CFAP92: variants seen among roughly 807,000 people sequenced by gnomAD.
The protein encoded by CFAP92 is uncharacterized protein CFAP92.
In CFAP92, 86 loss-of-function variants were observed where a neutral mutation model predicts 106.3. The observed-to-expected ratio is 0.81, with a 90% confidence interval of 0.68 to 0.97. The LOEUF (loss-of-function observed/expected upper bound fraction) is 0.97. Among genes scored for constraint, CFAP92 ranks in the 50% least tolerant of loss-of-function variants. The pLI, the probability that CFAP92 is intolerant of heterozygous loss-of-function variation, is 0.00. For synonymous variants in CFAP92, 477 were observed against 506.4 expected (o/e 0.94, Z 0.78); for missense variants, 1,204 against 1,283.8 (o/e 0.94, Z 0.95).
At chr3:129,025,191 C>T in the CFAP92 span, among the ~76,000 whole-genome samples, 20 of 152,136 alleles carry the variant, frequency 1.3e-4, no homozygotes, top group South Asian at 2.1e-4. Context: ...GTCATGGGCA[C>T]GCAAAGCCAT....
chr3:128,993,150 C>T lies in CFAP92; in HGVS notation c.155G>A (p.Cys52Tyr). The T allele has an allele frequency of 1.9e-6, 3 of 1,614,078 alleles. No homozygotes were observed. Among genetic ancestry groups the T allele is most frequent in the Non-Finnish European group, 2.5e-6 (3 of 1,179,906 alleles). Residue 52 changes from cysteine (C) to tyrosine (Y), a missense_variant, in exon 2 of 16, where the codon TGC becomes TAC. Physicochemically the swap from Cys to Tyr is radical, Grantham distance 194 (BLOSUM62 -2). Coordinates refer to ENST00000645291, the MANE Select transcript of CFAP92 (RefSeq NM_001394090.1). The stretch of plus-strand genomic sequence containing the variant: ...CTCAGATGAGGACTCGATGCTGCTG[C>T]ACGGGCGGTCAGAGTCAGACTCCTG... ...RAQESDSDRPCSSIESSSEPA... is the reference protein window; with the variant it reads ...RAQESDSDRPYSSIESSSEPA...
chr3:128,943,920 G>GTTTTTTTT (rs768570835), intron 10 of CFAP92, among the ~76,000 whole-genome samples: 32 of 110,148 alleles, frequency 2.9e-4, no homozygotes, highest in Non-Finnish European at 3.6e-4. Flanking sequence ...TATTTCCCCC[G>GTTTTTTTT]TTTTTTTTTT....
At chr3:128,916,825 A>C (rs1936852191) in intron 12 of CFAP92, among the ~76,000 whole-genome samples, 1 of 152,198 alleles carries the variant, frequency 6.6e-6, no homozygotes, top group African/African-American at 2.4e-5. Context: ...GGCTGGGGGG[A>C]AAGGTGGCTG....
At chr3:128,972,040 A>G (rs145099873) in intron 7 of CFAP92, among the ~76,000 whole-genome samples, 1 of 152,372 alleles carries the variant, frequency 6.6e-6, no homozygotes, top group East Asian at 1.9e-4. Flanking sequence ...ACCCAAACAC[A>G]TAGGGGAACC....
chr3:128,986,662 C>T (rs993645893), intron 4 of CFAP92, among the ~76,000 whole-genome samples: 1 of 152,134 alleles, frequency 6.6e-6, no homozygotes, highest in Non-Finnish European at 1.5e-5. Flanking sequence ...CCAGGTAGAC[C>T]ACGCCGGTCA....
upstream of CFAP92, among the ~76,000 whole-genome samples, chr3:129,004,253 C>A (rs951267830): frequency 2.0e-4 from 31 of 152,186 alleles, no homozygotes; most frequent in African/African-American, 7.2e-4. Context: ...TATAAGTCTG[C>A]TCCATTGCTT....
intron 12 of CFAP92, among the ~76,000 whole-genome samples, chr3:128,921,751 C>T (rs570932522): frequency 5.3e-5 from 8 of 152,154 alleles, no homozygotes; most frequent in African/African-American, 1.4e-4. Flanking sequence ...CAACCTCTTT[C>T]GGGAAATGGG....
chr3:129,001,758 G>A (rs1202785164), intron 1 of CFAP92: 1 of 1,541,806 alleles, frequency 6.5e-7, no homozygotes. Context: ...GGACCGCGGC[G>A]TGGAGAACGA....
At chr3:128,995,233 G>A (rs951016628), upstream of CFAP92, among the ~76,000 whole-genome samples, 5 of 152,220 alleles carry the variant, frequency 3.3e-5, no homozygotes, top group African/African-American at 1.2e-4. Context: ...GCCTCCCAGT[G>A]CATGCCTCCC....
chr3:128,995,631 T>C (rs1260230735), upstream of CFAP92, among the ~76,000 whole-genome samples: 2 of 152,150 alleles, frequency 1.3e-5, no homozygotes, highest in Non-Finnish European at 2.9e-5. Flanking sequence ...CTGGTTTCCC[T>C]CCAAAGGTTC....
chr3:128,913,134 C>A, intron 15 of CFAP92: 1 of 437,188 alleles, frequency 2.3e-6, no homozygotes, highest in Non-Finnish European at 4.6e-6. Context: ...GTACTTGTCA[C>A]ACTGTTCCTT....
chr3:129,001,939 A>T, intron 1 of CFAP92: 1 of 1,540,906 alleles, frequency 6.5e-7, no homozygotes. Context: ...GGTGACGGGA[A>T]CTCCAGAGAT....
rs1274039128 is a variant in CFAP92, at chr3:128,988,809, C to T, written c.372G>A (p.Leu124=). ...RRFYHIEYFL[L]PDDEEPKKVD... is the part of the protein sequence containing the mutation. ...CTTTTTTAGGTTCTTCATCGTCCGG[C>T]AGAAGGAAATACTCAATGTGGTAAA... The change falls in exon 3 of 16, where the codon CTG becomes CTA. Residue 124 remains leucine, a synonymous_variant. Transcript: ENST00000645291. The T allele has an allele frequency of 6.2e-7, 1 of 1,613,674 alleles. No homozygotes were observed.
chr3:129,011,831 C>CT, the CFAP92 span, among the ~76,000 whole-genome samples: 1 of 152,144 alleles, frequency 6.6e-6, no homozygotes, highest in Non-Finnish European at 1.5e-5. Context: ...GAGCCTGAGG[C>CT]TTTGCACCCC....
chr3:128,977,810 G>A (rs926099580), intron 5 of CFAP92, among the ~76,000 whole-genome samples: 1 of 152,230 alleles, frequency 6.6e-6, no homozygotes, highest in Non-Finnish European at 1.5e-5. Flanking sequence ...AGTGAGCCAA[G>A]ATCGTGCCAT....
intron 15 of CFAP92, chr3:128,912,938 T>C: frequency 3.8e-6 from 2 of 521,492 alleles, no homozygotes; most frequent in Non-Finnish European, 7.5e-6. Context: ...GGGTGTGAGG[T>C]GGGTGGGGAC....
chr3:128,942,692 T>TG (rs397991058), intron 10 of CFAP92, among the ~76,000 whole-genome samples: 1 of 151,314 alleles, frequency 6.6e-6, no homozygotes, highest in African/African-American at 2.4e-5. Flanking sequence ...TTTTTTTTTT[T>TG]GAGATGGAAT....
upstream of CFAP92, among the ~76,000 whole-genome samples, chr3:128,995,180 G>A (rs541538310): frequency 3.9e-5 from 6 of 152,218 alleles, no homozygotes; most frequent in Admixed American, 2.6e-4. Flanking sequence ...TTGTGTCAAA[G>A]AGCAAAACTG....
intron 9 of CFAP92, among the ~76,000 whole-genome samples, chr3:128,948,410 G>C (rs1940464217): frequency 2.3e-5 from 2 of 86,164 alleles, no homozygotes; most frequent in South Asian, 7.8e-4. Flanking sequence ...TTTTTGTAGA[G>C]ACAGAGTTTT....
Sources: gnomAD v4.1 joint callset for allele counts (sites outside exome capture counted in the v4.1 genomes callset) on GRCh38, gnomAD v4.1.1 for gene constraint, MANE v1.5 for transcripts, NCBI Gene and HGNC (gene_info 2026-07-23, HGNC 2026-07-21) for gene names.